The following C1orf94 variants were observed in gnomAD, a reference collection of about 807,000 sequenced individuals.
The protein encoded by C1orf94 is chromosome 1 open reading frame 94, also known as uncharacterized protein C1orf94.
Under a neutral mutation model 53.6 loss-of-function variants are expected in C1orf94, and 45 were observed. That is an observed-to-expected ratio of 0.84 (90% CI 0.66 to 1.08). The LOEUF is 1.08. C1orf94 is among the 50% of genes least tolerant of loss of function. C1orf94 has a pLI of 0.00. For synonymous variants in C1orf94, 304 were observed against 296.1 expected, an observed-to-expected ratio of 1.03 and a Z score of -0.27; for missense variants, 762 against 738.9, an observed-to-expected ratio of 1.03 and a Z score of -0.36.
Position 34,218,811 on chromosome 1 carries a change from G to A in C1orf94, c.*50G>A, listed in dbSNP as rs777247223. 5 of 1,480,920 alleles carry A rather than the reference G, an allele frequency of 3.4e-6. No individual in the cohort carries two copies. In the South Asian group the frequency reaches 4.0e-5, roughly 12 times the overall value. The allele number at this position is 1,480,920 out of a possible 1,614,324, so 91.7% of individuals were successfully genotyped here. A position where few individuals can be genotyped will look rare whatever the true frequency, so the allele number is the denominator to read the frequency against. ...CTTAGCCCTTGGATCAGGACTAGGGGCTCTGATTTTTGGATTCTGCAAAAG... is the reference window on the plus strand; with the variant it reads ...CTTAGCCCTTGGATCAGGACTAGGGACTCTGATTTTTGGATTCTGCAAAAG... On this transcript the variant is annotated 3_prime_UTR_variant, in exon 7 of 7. Coordinates refer to ENST00000488417, the MANE Select transcript of C1orf94 (RefSeq NM_001134734.2).
chr1:34,172,128 A>G (rs906116957), upstream of C1orf94, among the ~76,000 whole-genome samples: 3 of 152,218 alleles, frequency 2.0e-5, no homozygotes, highest in South Asian at 6.2e-4. Context: ...TTTCCCATAA[A>G]GGGCCTCGCC....
upstream of C1orf94, among the ~76,000 whole-genome samples, chr1:34,174,618 C>T (rs1032703161): frequency 6.6e-6 from 1 of 152,116 alleles, no homozygotes; most frequent in Admixed American, 6.5e-5. Flanking sequence ...ACAGGGAAGA[C>T]CATGTGAGGA....
intron 1 of C1orf94, among the ~76,000 whole-genome samples, chr1:34,194,252 A>C (rs1642544288): frequency 6.6e-6 from 1 of 152,206 alleles, no homozygotes; most frequent in South Asian, 2.1e-4. Flanking sequence ...AGCTTGTGCT[A>C]AGTGTTTTGT....
rs1365450544 is a variant in C1orf94 at position 34,197,839 on chromosome 1, G to A, written c.935G>A (p.Arg312Lys). 3.7e-6 allele frequency: 6 copies of A among 1,614,210 alleles called. No homozygotes were observed. Among genetic ancestry groups the A allele is most frequent in the Admixed American group, 1.7e-5 (1 of 60,028 alleles). The stretch of plus-strand genomic sequence containing the variant: ...CTCCCTGAGCTCCCTGCTCAGAAGA[G>A]GCAGCTCCCAGTGTTTGCCAAGATC... ...DKLPELPAQK[R>K]QLPVFAKICS... Residue 312 changes from arginine to lysine, a missense_variant, in exon 2 of 7, where the codon AGG becomes AAG. Physicochemically the swap from Arg to Lys is conservative, Grantham distance 26 (BLOSUM62 2). Coordinates refer to ENST00000488417, the MANE Select transcript of C1orf94 (RefSeq NM_001134734.2). This position sits in a 1 kb window ranked among gnomAD's most constrained non-coding sequence, Gnocchi z 4.1.
chr1:34,210,112 C>T (rs1642865871), intron 5 of C1orf94, among the ~76,000 whole-genome samples: 1 of 152,158 alleles, frequency 6.6e-6, no homozygotes, highest in Non-Finnish European at 1.5e-5. Flanking sequence ...TCATCAGATA[C>T]ATGGAATCAG....
At position 34,197,855 on chromosome 1, in the gene C1orf94, T is replaced by A. The variant is rs764819754; in HGVS notation, c.951T>A (p.Phe317Leu). ...LPAQKRQLPV[F>L]AKICSKPKAD... ...CTCAGAAGAGGCAGCTCCCAGTGTT[T>A]GCCAAGATCTGTTCCAAGCCCAAGG... Residue 317 changes from phenylalanine (F) to leucine (L), a missense_variant, in exon 2 of 7, where the codon TTT becomes TTA. Coordinates refer to ENST00000488417, the MANE Select transcript of C1orf94 (RefSeq NM_001134734.2). This position sits in a 1 kb window ranked among gnomAD's most constrained non-coding sequence, Gnocchi z 4.1. 34 of 1,614,058 alleles carry A rather than the reference T, an allele frequency of 2.1e-5. No individual in the cohort carries two copies. The highest frequency in any genetic ancestry group is 2.7e-5 in the Non-Finnish European group (32 of 1,180,046).
chr1:34,218,810 G>A lies in C1orf94; in HGVS notation c.*49G>A, dbSNP rs377523530. ...CCTTAGCCCTTGGATCAGGACTAGG[G>A]GCTCTGATTTTTGGATTCTGCAAAA... On this transcript the variant is annotated 3_prime_UTR_variant, in exon 7 of 7. Coordinates refer to ENST00000488417, the MANE Select transcript of C1orf94 (RefSeq NM_001134734.2). 1 of 1,492,786 alleles carries A rather than the reference G, an allele frequency of 6.7e-7. No individual in the cohort carries two copies. The highest frequency in any genetic ancestry group is 1.4e-5 in the African/African-American group (1 of 71,392). 92.5% of individuals were successfully genotyped at this position (1,492,786 alleles called of 1,614,324 possible).
chr1:34,208,102 G>A, intron 4 of C1orf94, 55 bp from the exon 5 acceptor site: 1 of 1,559,818 alleles, frequency 6.4e-7, no homozygotes, highest in Non-Finnish European at 8.8e-7. Context: ...AGTAGCTGAT[G>A]CCTTCTGGCA....
chr1:34,201,080 G>T (rs1283126564), intron 3 of C1orf94, 48 bp downstream of exon 3: 1 of 1,546,078 alleles, frequency 6.5e-7, no homozygotes, highest in Non-Finnish European at 8.7e-7. Flanking sequence ...GGGTTGCAGT[G>T]ACCCTCACAG....
chr1:34,182,396 T>G (rs1281978119), intron 1 of C1orf94, among the ~76,000 whole-genome samples: 1 of 152,078 alleles, frequency 6.6e-6, no homozygotes, highest in Non-Finnish European at 1.5e-5. Context: ...ATGGAACACT[T>G]TTGCAGGTTT....
chr1:34,169,638 A>AGAGAGC (rs1305023423), intron 1 of C1orf94, among the ~76,000 whole-genome samples: 1 of 148,340 alleles, frequency 6.7e-6, no homozygotes, highest in Non-Finnish European at 1.5e-5. Context: ...AGAGAGAGTG[A>AGAGAGC]GCAAATGGGA....
chr1:34,167,433 C>T (rs1245347267), intron 1 of C1orf94, among the ~76,000 whole-genome samples: 3 of 152,204 alleles, frequency 2.0e-5, no homozygotes, highest in Non-Finnish European at 2.9e-5. Context: ...GTGGCTGCAA[C>T]GGGCAGATGA....
At chr1:34,188,547 A>G (rs1642424142) in intron 1 of C1orf94, among the ~76,000 whole-genome samples, 1 of 152,188 alleles carries the variant, frequency 6.6e-6, no homozygotes, top group Admixed American at 6.5e-5. Context: ...TAGCTTTAGT[A>G]AACCAGGCTC....
At chr1:34,170,304 A>G (rs1262712655) in intron 1 of C1orf94, among the ~76,000 whole-genome samples, 2 of 152,194 alleles carry the variant, frequency 1.3e-5, no homozygotes, top group African/African-American at 4.8e-5. Context: ...CAGGGGGTTG[A>G]GAGTTTATTG....
chr1:34,197,118 T>G lies in C1orf94; in HGVS notation c.321-107T>G. The G allele has an allele frequency of 9.8e-7, 1 of 1,023,684 alleles. No homozygotes were observed. The highest frequency in any genetic ancestry group is 1.4e-6 in the Non-Finnish European group (1 of 710,306). 63.4% of individuals were successfully genotyped at this position (1,023,684 alleles called of 1,614,324 possible). On this transcript the variant is annotated intron_variant, in intron 1 of 6. Coordinates refer to ENST00000488417, the MANE Select transcript of C1orf94 (RefSeq NM_001134734.2). This position sits in a 1 kb window ranked among gnomAD's most constrained non-coding sequence, Gnocchi z 4.1. ...GTTATCTTGCCTGGAAGTGTGTTTT[T>G]GTCATGTTATGCATCCATCTCCCTT...
intron 1 of C1orf94, among the ~76,000 whole-genome samples, chr1:34,195,363 G>A (rs1642562201): frequency 6.6e-6 from 1 of 152,168 alleles, no homozygotes; most frequent in East Asian, 1.9e-4. Context: ...GGACACTGAG[G>A]TTCCAGGGTC....
intron 4 of C1orf94, among the ~76,000 whole-genome samples, chr1:34,207,516 C>T (rs895374683): frequency 5.9e-5 from 9 of 152,118 alleles, no homozygotes; most frequent in South Asian, 2.1e-4. Flanking sequence ...TGCCCCTCTC[C>T]GTAAGCTACA....
chr1:34,175,920 A>G (rs1215270953), upstream of C1orf94, among the ~76,000 whole-genome samples: 1 of 151,420 alleles, frequency 6.6e-6, no homozygotes, highest in Non-Finnish European at 1.5e-5. Context: ...TGATGGCAAA[A>G]ACCGCAATTA....
chr1:34,195,465 CTGG>C (rs1412691776), intron 1 of C1orf94, among the ~76,000 whole-genome samples: 1 of 152,150 alleles, frequency 6.6e-6, no homozygotes, highest in Non-Finnish European at 1.5e-5. Flanking sequence ...GCCTCCAAGC[CTGG>C]TGATGTTCCA....
Sources: gnomAD v4.1 joint callset for allele counts (sites outside exome capture counted in the v4.1 genomes callset) on GRCh38, gnomAD v4.1.1 for gene constraint, Gnocchi (gnomAD v3.1) non-coding constraint, MANE v1.5 for transcripts, NCBI Gene and HGNC (gene_info 2026-07-23, HGNC 2026-07-21) for gene names.